The following RIMBP2 variants were observed in gnomAD, a reference collection of about 807,000 sequenced individuals.
The protein encoded by RIMBP2 is RIMS binding protein 2.
Under a neutral mutation model 118.6 loss-of-function variants are expected in RIMBP2, and 48 were observed. The observed-to-expected ratio is 0.40, with a 90% CI of 0.32 to 0.51. The LOEUF is 0.51. Among genes scored for constraint, RIMBP2 ranks in the 20% least tolerant of loss-of-function variants. RIMBP2 has a pLI of 0.41. For synonymous variants in RIMBP2, 762 were observed against 742.9 expected (o/e 1.03, Z -0.42); for missense variants, 1,551 against 1,768.3 (o/e 0.88, Z 2.20).
chr12:130,441,965 G>A lies in RIMBP2; in HGVS notation c.1387C>T (p.Pro463Ser), dbSNP rs769868870. The A allele has an allele frequency of 6.2e-7, 1 of 1,614,128 alleles. No homozygotes were observed. The stretch of plus-strand genomic sequence containing the variant: ...ACCTTCACCTTATAGGCCATGTTGG[G>A]CCTGAGATTGAAGAACTGGTACTTG... Reference protein sequence around the residue: ...RYKYQFFNLRPNMAYKVKVLA... With the variant: ...RYKYQFFNLRSNMAYKVKVLA... Residue 463 changes from proline to serine, a missense_variant, in exon 11 of 23, where the codon CCC (proline) becomes TCC (serine). By Grantham distance (74) the Pro-to-Ser change is moderately conservative. Around this residue, in one of 5 missense-constraint regions of RIMBP2, gnomAD observed 265 missense variants for 349.5 expected, o/e 0.76. Coordinates refer to ENST00000690449, the MANE Select transcript of RIMBP2 (RefSeq NM_001393629.1).
intron 2 of RIMBP2, among the ~76,000 whole-genome samples, chr12:130,520,457 G>GA (rs2051964633): frequency 6.6e-6 from 1 of 151,096 alleles, no homozygotes; most frequent in Admixed American, 6.6e-5. Context: ...CTGAGGTCAG[G>GA]AGTTCAAGAC....
At chr12:130,474,187 G>T (rs1342238176) in intron 5 of RIMBP2, among the ~76,000 whole-genome samples, 1 of 152,160 alleles carries the variant, frequency 6.6e-6, no homozygotes, top group Non-Finnish European at 1.5e-5. Context: ...TGGACCACGG[G>T]CATGTTAGCC....
At chr12:130,527,045 C>T (rs144321572) in intron 2 of RIMBP2, among the ~76,000 whole-genome samples, 4 of 152,056 alleles carry the variant, frequency 2.6e-5, no homozygotes, top group African/African-American at 7.2e-5. Context: ...GCCCTACTCC[C>T]GCCCGCCCCT....
At chr12:130,588,414 C>A (rs2059052924) in intron 2 of RIMBP2, among the ~76,000 whole-genome samples, 1 of 152,200 alleles carries the variant, frequency 6.6e-6, no homozygotes, top group South Asian at 2.1e-4. Context: ...AAATGGAGAA[C>A]CAGCATCATT....
At chr12:130,699,179 A>G (rs2065717178) in intron 1 of RIMBP2, among the ~76,000 whole-genome samples, 1 of 152,230 alleles carries the variant, frequency 6.6e-6, no homozygotes, top group African/African-American at 2.4e-5. Flanking sequence ...GCAATTCCTC[A>G]GGGATCTAGA....
rs1472874056 is a variant in RIMBP2 at position 130,422,663 on chromosome 12, G to A, written c.3130-102C>T. On this transcript the variant is annotated intron_variant, in intron 16 of 22. Coordinates refer to ENST00000690449, the MANE Select transcript of RIMBP2 (RefSeq NM_001393629.1). The surrounding 1 kb of genome is among the most constrained non-coding windows in gnomAD (Gnocchi z 5.2). ...GGGTTGAAAAGCAGAATCTGTAAAG[G>A]CAACTAAACTTAGCTTTTAACTGAA... The A allele has an allele frequency of 2.4e-5, 19 of 798,404 alleles. No individual in the cohort carries two copies. The highest frequency in any genetic ancestry group is 2.9e-5 in the Non-Finnish European group (14 of 489,184). The allele number at this position is 798,404 out of a possible 1,614,324, so 49.5% of individuals were successfully genotyped here.
intron 4 of RIMBP2, among the ~76,000 whole-genome samples, chr12:130,500,154 A>G (rs576944537): frequency 1.6e-4 from 25 of 152,174 alleles, no homozygotes; most frequent in Non-Finnish European, 2.4e-4. Flanking sequence ...TACGGTCAAA[A>G]AGGGCTCTGT....
Position 130,622,130 on chromosome 12 carries a change from T to C in RIMBP2, c.-217+6192A>G, listed in dbSNP as rs1418784280. On this transcript the variant is annotated intron_variant, in intron 2 of 22. Transcript: ENST00000690449. The surrounding 1 kb of genome is among the most constrained non-coding windows in gnomAD (Gnocchi z 8.5). ...ACAAATAAAATTAGGCCGAGACAGT[T>C]AGTCTTGGGGTCCTGACCAAAAATG... Among the ~76,000 whole-genome samples, 5 of 152,232 alleles carry C rather than the reference T, an allele frequency of 3.3e-5. No homozygotes were observed. The highest frequency in any genetic ancestry group is 3.3e-4 in the Admixed American group (5 of 15,284).
At chr12:130,626,552 C>A (rs1191112576) in intron 2 of RIMBP2, among the ~76,000 whole-genome samples, 1 of 151,564 alleles carries the variant, frequency 6.6e-6, no homozygotes, top group East Asian at 1.9e-4. Context: ...CCATGACTAC[C>A]GCCGGCATCA....
chr12:130,474,161 A>G (rs11060926), intron 5 of RIMBP2, among the ~76,000 whole-genome samples: 44,729 of 152,044 alleles, frequency 0.29, 7,200 homozygotes, highest in Non-Finnish European at 0.35. Flanking sequence ...TCAGGGTTTC[A>G]GAATCGGGTC....
At chr12:130,664,417 ACACGCACACACATG>A (rs2063807629) in intron 1 of RIMBP2, among the ~76,000 whole-genome samples, 1 of 80,052 alleles carries the variant, frequency 1.2e-5, no homozygotes, top group South Asian at 3.9e-4. Context: ...GCACGCACAC[ACACGCACACACATG>A]CATGCACGCA....
chr12:130,436,729 C>A (rs1014852072), intron 13 of RIMBP2, 113 bp downstream of exon 13: 1 of 871,604 alleles, frequency 1.1e-6, no homozygotes, highest in Non-Finnish European at 1.6e-6. Context: ...GCGCGGCCCC[C>A]CTCCCTGCAA....
intron 2 of RIMBP2, among the ~76,000 whole-genome samples, chr12:130,537,141 A>C (rs2138220): frequency 0.11 from 16,634 of 152,142 alleles, 1,019 homozygotes; most frequent in East Asian, 0.24. Context: ...CCAGGGCAGA[A>C]CAATGATGCC....
At chr12:130,697,929 AG>A (rs1372562271) in intron 1 of RIMBP2, among the ~76,000 whole-genome samples, 4 of 152,226 alleles carry the variant, frequency 2.6e-5, no homozygotes, top group Non-Finnish European at 5.9e-5. Context: ...AATCAAGAAA[AG>A]TTGTCTAGGA....
intron 1 of RIMBP2, among the ~76,000 whole-genome samples, chr12:130,659,353 C>T (rs541202937): frequency 1.3e-5 from 2 of 150,694 alleles, no homozygotes; most frequent in Admixed American, 6.6e-5. Flanking sequence ...AGGTGGATCA[C>T]GAGGTCAGGA....
intron 2 of RIMBP2, among the ~76,000 whole-genome samples, chr12:130,526,186 A>G (rs2052767694): frequency 6.6e-6 from 1 of 152,124 alleles, no homozygotes; most frequent in South Asian, 2.1e-4. Flanking sequence ...ATTTCCTGGT[A>G]TTTTTAGTTC....
rs540199991 is a variant in RIMBP2 at position 130,692,996 on chromosome 12, AT to A, written c.-352+23225del. On this transcript the variant is annotated intron_variant, in intron 1 of 22. Transcript: ENST00000690449. ...AGTTAGGGAATAGAATGGCAAACACATTTATAAGTGAGGAACTTGCATCAGC... is the reference window on the plus strand; with the variant it reads ...AGTTAGGGAATAGAATGGCAAACACATTATAAGTGAGGAACTTGCATCAGC... Among the ~76,000 whole-genome samples the A allele has an allele frequency of 5.6e-3, 849 of 152,184 alleles. 3 individuals carry two copies. The highest frequency in any genetic ancestry group is 8.5e-3 in the South Asian group (41 of 4,814).
intron 16 of RIMBP2, among the ~76,000 whole-genome samples, chr12:130,423,567 G>A (rs563792216): frequency 6.6e-6 from 1 of 152,032 alleles, no homozygotes; most frequent in South Asian, 2.1e-4. Context: ...AGGGCCGGCG[G>A]GGAGAAGGCT....
In RIMBP2 at chr12:130,613,357, T is replaced by C. The variant is rs546500196; in HGVS notation, c.-217+14965A>G. ...TCTCCAGGCTCCTACTGCGACCTCA[T>C]CGGCCAAGCCACCTGGAAGCCACAG... On this transcript the variant is annotated intron_variant, in intron 2 of 22. Coordinates refer to ENST00000690449, the MANE Select transcript of RIMBP2 (RefSeq NM_001393629.1). Among the ~76,000 whole-genome samples the C allele has an allele frequency of 3.9e-5, 6 of 152,136 alleles. No homozygotes were observed. In the South Asian group the frequency reaches 1.0e-3, roughly 26 times the overall value.
Sources: allele counts gnomAD v4.1 joint callset (sites outside exome capture counted in the v4.1 genomes callset), GRCh38; gene constraint gnomAD v4.1.1; regional missense constraint gnomAD v4.1.1; non-coding constraint Gnocchi (gnomAD v3.1); transcripts MANE v1.5; gene names NCBI Gene and HGNC (gene_info 2026-07-23, HGNC 2026-07-21).